The following TTC29 variants were observed in gnomAD, a reference collection of about 807,000 sequenced individuals.
TTC29 encodes tetratricopeptide repeat domain 29.
In TTC29, 49 loss-of-function variants were observed where a neutral mutation model predicts 58.1. The observed-to-expected ratio is 0.84, with a 90% CI of 0.67 to 1.07. The LOEUF (loss-of-function observed/expected upper bound fraction) is 1.07. TTC29 is among the 50% of genes least tolerant of loss of function. The pLI is 0.00. For synonymous variants in TTC29, 209 were observed against 196.8 expected, an observed-to-expected ratio of 1.06 and a Z score of -0.52; for missense variants, 582 against 555.6, an observed-to-expected ratio of 1.05 and a Z score of -0.48.
intron 4 of TTC29, among the ~76,000 whole-genome samples, chr4:146,925,589 T>G (rs1417868106): frequency 6.6e-6 from 1 of 152,176 alleles, no homozygotes; most frequent in Non-Finnish European, 1.5e-5. Context: ...AGAAATGAGA[T>G]TCGTCATTTA....
intron 6 of TTC29, among the ~76,000 whole-genome samples, chr4:146,897,536 C>T (rs1230780870): frequency 2.6e-5 from 4 of 152,184 alleles, no homozygotes; most frequent in African/African-American, 9.7e-5. Flanking sequence ...TCCCTGCCAC[C>T]CCCTGCTGAT....
chr4:146,903,993 C>G (rs938522770), intron 5 of TTC29, among the ~76,000 whole-genome samples: 1 of 152,062 alleles, frequency 6.6e-6, no homozygotes, highest in African/African-American at 2.4e-5. Context: ...CTGGTTGAAA[C>G]AGGAGGCTTT....
intron 2 of TTC29, among the ~76,000 whole-genome samples, chr4:146,940,634 T>C (rs1560743020): frequency 6.6e-6 from 1 of 152,186 alleles, no homozygotes; most frequent in Non-Finnish European, 1.5e-5. Context: ...CACCTTGAAG[T>C]GTCTTCACTC....
chr4:146,775,171 A>G (rs746313680), intron 11 of TTC29, among the ~76,000 whole-genome samples: 4 of 152,056 alleles, frequency 2.6e-5, no homozygotes, highest in Non-Finnish European at 5.9e-5. Flanking sequence ...CTTAAAGACA[A>G]CCTACCATTG....
At chr4:146,757,722 T>C (rs190925311) in intron 11 of TTC29, among the ~76,000 whole-genome samples, 184 of 152,178 alleles carry the variant, frequency 1.2e-3, no homozygotes, top group Non-Finnish European at 2.2e-3. Context: ...AAACTAAGCA[T>C]CATATATGAA....
At chr4:146,805,532 A>C (rs1750541940) in intron 10 of TTC29, among the ~76,000 whole-genome samples, 2 of 152,008 alleles carry the variant, frequency 1.3e-5, no homozygotes, top group Non-Finnish European at 1.5e-5. Context: ...CCAGTTTAGA[A>C]AAGAACATAA....
At chr4:146,895,025 T>A (rs1732672547) in intron 6 of TTC29, among the ~76,000 whole-genome samples, 1 of 152,166 alleles carries the variant, frequency 6.6e-6, no homozygotes, top group East Asian at 1.9e-4. Flanking sequence ...CCATGGTGTG[T>A]CCATGTGTTC....
intron 11 of TTC29, among the ~76,000 whole-genome samples, chr4:146,750,062 C>T (rs977638805): frequency 2.0e-5 from 3 of 152,068 alleles, no homozygotes; most frequent in South Asian, 2.1e-4. Flanking sequence ...CATTGGAGTA[C>T]AGTGGTGCGA....
At chr4:146,868,904 G>A (rs1036043600) in intron 7 of TTC29, among the ~76,000 whole-genome samples, 5 of 151,892 alleles carry the variant, frequency 3.3e-5, no homozygotes, top group East Asian at 1.9e-4. Flanking sequence ...TTATGGTAAC[G>A]AGTGAGCTCT....
chr4:146,798,371 A>G (rs1374951819), intron 11 of TTC29, among the ~76,000 whole-genome samples: 1 of 152,276 alleles, frequency 6.6e-6, no homozygotes, highest in Middle Eastern at 3.4e-3. Context: ...GTTCACTAAG[A>G]TTAGCAGCCT....
chr4:146,913,988 C>A (rs1249828936), intron 4 of TTC29, among the ~76,000 whole-genome samples: 1 of 152,114 alleles, frequency 6.6e-6, no homozygotes, highest in South Asian at 2.1e-4. Flanking sequence ...ATGCTGGTAT[C>A]ATCTCTATTT....
chr4:146,790,328 A>G (rs1749347035), intron 11 of TTC29, among the ~76,000 whole-genome samples: 1 of 151,912 alleles, frequency 6.6e-6, no homozygotes, highest in Non-Finnish European at 1.5e-5. Flanking sequence ...AGCTGGGACT[A>G]CAGGCGCCCG....
intron 11 of TTC29, among the ~76,000 whole-genome samples, chr4:146,723,516 A>C (rs980880019): frequency 2.1e-4 from 32 of 152,338 alleles, no homozygotes; most frequent in African/African-American, 7.7e-4. Flanking sequence ...AGAATCTATA[A>C]GGAACTTAAT....
At chr4:146,794,905 A>G (rs1462483447) in intron 11 of TTC29, among the ~76,000 whole-genome samples, 3 of 152,082 alleles carry the variant, frequency 2.0e-5, no homozygotes, top group African/African-American at 7.2e-5. Context: ...TTATCTCACT[A>G]AAGTTTGAAA....
chr4:146,770,805 C>A (rs895792160), intron 11 of TTC29, among the ~76,000 whole-genome samples: 6 of 151,988 alleles, frequency 3.9e-5, no homozygotes, highest in Admixed American at 2.6e-4. Context: ...GTCTTTCTCT[C>A]GATATGTCCC....
At position 146,906,375 on chromosome 4, in the gene TTC29, G is replaced by A. The variant is rs1053857397; in HGVS notation, c.401-2646C>T. The stretch of plus-strand genomic sequence containing the variant: ...GTTAATGCCATAGCTTTGATTAAAT[G>A]AACTTCACTGTGACCCTAGAGTGAT... On this transcript the variant is annotated intron_variant, in intron 5 of 12. Coordinates refer to ENST00000325106, the MANE Select transcript of TTC29 (RefSeq NM_031956.4). 2.6e-5 allele frequency among the ~76,000 whole-genome samples: 4 copies of A among 152,284 alleles called. No homozygotes were observed. The South Asian group carries it at 8.3e-4, about 32-fold the overall frequency.
At chr4:146,839,560 G>A in intron 8 of TTC29, among the ~76,000 whole-genome samples, 1 of 151,000 alleles carries the variant, frequency 6.6e-6, no homozygotes, top group Non-Finnish European at 1.5e-5. Context: ...GTGTGTGTGT[G>A]TGTGTGTGTG....
intron 11 of TTC29, among the ~76,000 whole-genome samples, chr4:146,779,041 C>T (rs557291667): frequency 3.9e-5 from 5 of 128,140 alleles, no homozygotes; most frequent in East Asian, 2.4e-4. Flanking sequence ...GTAAGACTTA[C>T]GGGCTAGACA....
chr4:146,763,204 T>C lies in TTC29; in HGVS notation c.1330+40253A>G, dbSNP rs563012540. ...ACTATGCTTCTGATGTTTCCTTTTT[T>C]TTCCTTCCCCAAAATATGACTGCAT... On this transcript the variant is annotated intron_variant, in intron 11 of 12. Coordinates refer to ENST00000325106, the MANE Select transcript of TTC29 (RefSeq NM_031956.4). Among the ~76,000 whole-genome samples, 76 of 152,234 alleles carry C rather than the reference T, an allele frequency of 5.0e-4. 1 individual carries two copies. Among genetic ancestry groups the C allele is most frequent in the African/African-American group, 1.8e-3 (74 of 41,570 alleles).
Sources: gnomAD v4.1 joint callset for allele counts (sites outside exome capture counted in the v4.1 genomes callset) on GRCh38, gnomAD v4.1.1 for gene constraint, MANE v1.5 for transcripts, NCBI Gene and HGNC (gene_info 2026-07-23, HGNC 2026-07-21) for gene names.